The following PIK3R6 variants were observed in gnomAD, a reference collection of about 807,000 sequenced individuals.
PIK3R6 encodes phosphoinositide 3-kinase regulatory subunit 6.
Under a neutral mutation model 84.9 loss-of-function variants are expected in PIK3R6, and 91 were observed. The observed-to-expected ratio is 1.07, with a 90% confidence interval of 0.90 to 1.28. PIK3R6 has a LOEUF of 1.28. Among genes scored for constraint, PIK3R6 ranks in the 50% most tolerant of loss-of-function variants. PIK3R6 has a pLI of 0.00. For missense variants in PIK3R6, 996 were observed against 985.1 expected (o/e 1.01, Z -0.15); for synonymous variants, 416 against 411.4 (o/e 1.01, Z -0.13).
rs1004863859 is a variant in PIK3R6, at chr17:8,858,892, AGGAACTTGCT to A, written c.-92+8627_-92+8636del. On this transcript the variant is annotated intron_variant, in intron 1 of 19. Transcript: ENST00000619866. ...GGTTTTGCAATTCATCCATCCAAAGAGGAACTTGCTGTAATTTGTCTACTCAGAGGGGTGC... is the reference window on the plus strand; with the variant it reads ...GGTTTTGCAATTCATCCATCCAAAGAGTAATTTGTCTACTCAGAGGGGTGC... 3.4e-4 allele frequency among the ~76,000 whole-genome samples: 52 copies of A among 152,152 alleles called. 2 individuals carry two copies. Among genetic ancestry groups the A allele is most frequent in the Admixed American group, 2.0e-4 (3 of 15,276 alleles).
rs756995140 is a variant in PIK3R6, at chr17:8,827,206, G to A, written c.1481C>T (p.Thr494Met). Reference sequence around the variant, plus strand: ...CAGCTTGTGGATGGCGGGGCACAGCGTGTTGACGTTGCTCTGGTACCACGG... The same window carrying A: ...CAGCTTGTGGATGGCGGGGCACAGCATGTTGACGTTGCTCTGGTACCACGG... ...VDPWYQSNVN[T>M]LCPAIHKLAE... The change falls in exon 13 of 20, where the codon ACG becomes ATG. Residue 494 changes from threonine to methionine, a missense_variant. Physicochemically the swap from Thr to Met is moderately conservative, Grantham distance 81. Coordinates refer to ENST00000619866, the MANE Select transcript of PIK3R6 (RefSeq NM_001010855.4). The A allele has an allele frequency of 1.1e-5, 18 of 1,611,458 alleles. No homozygotes were observed. The highest frequency in any genetic ancestry group is 9.4e-5 in the African/African-American group (7 of 74,842).
chr17:8,835,535 G>A (rs2088427642), intron 7 of PIK3R6, 79 bp from the exon 8 acceptor site: 1 of 1,252,376 alleles, frequency 8.0e-7, no homozygotes, highest in Non-Finnish European at 1.1e-6. Flanking sequence ...CACCCTCAGA[G>A]CTGTGCAGCA....
At chr17:8,825,607 A>G (rs1053525867) in intron 13 of PIK3R6, among the ~76,000 whole-genome samples, 2 of 152,264 alleles carry the variant, frequency 1.3e-5, no homozygotes, top group Middle Eastern at 3.2e-3. Context: ...CTGCGGCAAG[A>G]TGGTTTATGC....
At chr17:8,849,183 T>C (rs1050004693) in intron 2 of PIK3R6, among the ~76,000 whole-genome samples, 2 of 152,234 alleles carry the variant, frequency 1.3e-5, no homozygotes, top group East Asian at 1.9e-4. Context: ...AGCCTCAGTT[T>C]ACCTCTCAGA....
chr17:8,840,204 C>A (rs28393335), intron 2 of PIK3R6, among the ~76,000 whole-genome samples: 18,251 of 86,388 alleles, frequency 0.21, 4,760 homozygotes, highest in African/African-American at 0.23. Flanking sequence ...TATATAGCCT[C>A]CAAATATATA....
rs868810757 is a variant in PIK3R6 at position 8,861,639 on chromosome 17, C to T, written c.-92+5890G>A. ...ACCTGACTGTAAGCCACTTGCTAGC[C>T]ATCATGGTTATCAGATAAACTGTCG... On this transcript the variant is annotated intron_variant, in intron 1 of 19. Transcript: ENST00000619866. Among the ~76,000 whole-genome samples the T allele has an allele frequency of 8.5e-5, 13 of 152,304 alleles. 2 individuals are homozygous for T. In the Middle Eastern group the frequency reaches 0.02, roughly 239 times the overall value.
intron 3 of PIK3R6, 119 bp from the exon 4 acceptor site, chr17:8,838,774 G>T: frequency 1.1e-6 from 1 of 923,322 alleles, no homozygotes; most frequent in South Asian, 1.6e-5. Flanking sequence ...CCACGGGTGT[G>T]ACCCCGCCAC....
Position 8,804,044 on chromosome 17 carries a change from A to C in PIK3R6, c.2105T>G (p.Val702Gly). The C allele has an allele frequency of 6.2e-7, 1 of 1,613,478 alleles. No homozygotes were observed. Among genetic ancestry groups the C allele is most frequent in the Non-Finnish European group, 8.5e-7 (1 of 1,179,450 alleles). The change falls in exon 19 of 20, where the codon GTC becomes GGC. Residue 702 changes from valine to glycine, a missense_variant. By Grantham distance (109) the Val-to-Gly change is moderately radical. Coordinates refer to ENST00000619866, the MANE Select transcript of PIK3R6 (RefSeq NM_001010855.4). ...GGGTTGGCAGGCCCAGCCTCACCTGACCACATCCCTGAAAGTGCGTTGATC... is the reference window on the plus strand; with the variant it reads ...GGGTTGGCAGGCCCAGCCTCACCTGCCCACATCCCTGAAAGTGCGTTGATC... ...KDDQRTFRDV[V>G]RFEVAPCPEP...
intron 13 of PIK3R6, 146 bp downstream of exon 13, chr17:8,827,026 T>C: frequency 1.1e-6 from 1 of 928,568 alleles, no homozygotes; most frequent in African/African-American, 1.7e-5. Flanking sequence ...ACTCTTAAGG[T>C]CAAAGGTCAA....
chr17:8,808,007 G>A (rs372198516), intron 18 of PIK3R6, among the ~76,000 whole-genome samples: 4 of 152,238 alleles, frequency 2.6e-5, no homozygotes, highest in African/African-American at 9.6e-5. Context: ...AACAGGGACA[G>A]TTGGCCAACC....
In PIK3R6 at chr17:8,844,963, A is replaced by G. The variant is rs1007793556; in HGVS notation, c.13+4819T>C. Among the ~76,000 whole-genome samples, 3 of 152,190 alleles carry G rather than the reference A, an allele frequency of 2.0e-5. No homozygotes were observed. Among genetic ancestry groups the G allele is most frequent in the African/African-American group, 4.8e-5 (2 of 41,438 alleles). The stretch of plus-strand genomic sequence containing the variant: ...CCTACATTAATTTGCTTAGTGTAAT[A>G]GCTTCCAGCTCCATCCATATTGCAA... On this transcript the variant is annotated intron_variant, in intron 2 of 19. Coordinates refer to ENST00000619866, the MANE Select transcript of PIK3R6 (RefSeq NM_001010855.4). The surrounding 1 kb of genome is among the most constrained non-coding windows in gnomAD (Gnocchi z 4.5).
At chr17:8,823,332 G>T (rs978818090) in intron 14 of PIK3R6, 55 bp downstream of exon 14, 1 of 1,318,328 alleles carries the variant, frequency 7.6e-7, no homozygotes, top group Non-Finnish European at 1.1e-6. Flanking sequence ...CCAGAGCCTG[G>T]GTATTTAATC....
chr17:8,830,000 G>A (rs1247919029), intron 9 of PIK3R6, among the ~76,000 whole-genome samples: 3 of 152,198 alleles, frequency 2.0e-5, no homozygotes, highest in Non-Finnish European at 4.4e-5. Context: ...ACAATGCTTA[G>A]TAGCTACGTT....
At chr17:8,820,286 G>T (rs2087692807) in intron 17 of PIK3R6, among the ~76,000 whole-genome samples, 1 of 151,982 alleles carries the variant, frequency 6.6e-6, no homozygotes, top group African/African-American at 2.4e-5. Flanking sequence ...TTCTGATAGG[G>T]TCTAGAGTAG....
chr17:8,846,444 C>T (rs1373668639), intron 2 of PIK3R6, among the ~76,000 whole-genome samples: 1 of 151,918 alleles, frequency 6.6e-6, no homozygotes, highest in African/African-American at 2.4e-5. Context: ...GCTATTTGGG[C>T]CCTTTTTTGG....
chr17:8,832,296 A>G (rs2088267286), intron 9 of PIK3R6, among the ~76,000 whole-genome samples: 1 of 151,780 alleles, frequency 6.6e-6, no homozygotes, highest in Non-Finnish European at 1.5e-5. Context: ...AAATATATGT[A>G]AGGTGATTAG....
chr17:8,830,444 G>A (rs2088195270), intron 9 of PIK3R6, among the ~76,000 whole-genome samples: 1 of 152,150 alleles, frequency 6.6e-6, no homozygotes, highest in South Asian at 2.1e-4. Context: ...GTGGTCTTAG[G>A]ATTTGGCTCC....
chr17:8,818,512 G>C (rs2087615610), intron 18 of PIK3R6, among the ~76,000 whole-genome samples: 1 of 152,162 alleles, frequency 6.6e-6, no homozygotes, highest in Non-Finnish European at 1.5e-5. Context: ...AGCTGGGCGA[G>C]GTGGTGCACG....
chr17:8,825,995 G>C (rs143639404), intron 13 of PIK3R6, among the ~76,000 whole-genome samples: 3 of 152,184 alleles, frequency 2.0e-5, no homozygotes, highest in Non-Finnish European at 4.4e-5. Context: ...TGCCAGCCAC[G>C]GTTGGGGTAT....
Sources: allele counts gnomAD v4.1 joint callset (sites outside exome capture counted in the v4.1 genomes callset), GRCh38; gene constraint gnomAD v4.1.1; non-coding constraint Gnocchi (gnomAD v3.1); transcripts MANE v1.5; gene names NCBI Gene and HGNC (gene_info 2026-07-23, HGNC 2026-07-21).